The following MYCL variants were observed in gnomAD, a reference collection of about 807,000 sequenced individuals.
MYCL encodes protein L-Myc.
Under a neutral mutation model 31.0 loss-of-function variants are expected in MYCL, and 11 were observed. That is an observed-to-expected ratio of 0.35 (90% confidence interval 0.22 to 0.59). The LOEUF is 0.59. MYCL is among the 20% of genes least tolerant of loss of function. MYCL has a pLI of 0.79. For missense variants in MYCL, 427 were observed against 486.1 expected (o/e 0.88, Z 1.14); for synonymous variants, 208 against 202.4 (o/e 1.03, Z -0.23).
At chr1:39,900,658 T>C (rs913048864) in intron 1 of MYCL, 1 of 1,355,398 alleles carries the variant, frequency 7.4e-7, no homozygotes, top group Non-Finnish European at 9.5e-7. Context: ...AACCCCAGTA[T>C]TGTCCTCTCT....
At chr1:39,900,908 C>T (rs1557607268) in intron 1 of MYCL, 31 bp downstream of exon 1, 2 of 1,506,882 alleles carry the variant, frequency 1.3e-6, no homozygotes, top group African/African-American at 1.4e-5. Flanking sequence ...ATGGGGTGGC[C>T]CCCTCTTGGA....
intron 1 of MYCL, chr1:39,899,060 C>T (rs1644509591): frequency 1.0e-6 from 1 of 985,348 alleles, no homozygotes; most frequent in African/African-American, 1.7e-5. Context: ...ATTATTTCTC[C>T]ATTAATAAAC....
rs1054638269 is a variant in MYCL, at chr1:39,895,526, G to A, written c.*1846C>T. ...TAAATACAAAATTTCAGGTGAACTT[G>A]CCTTTCAAAATAAATCAGACCCTTG... On this transcript the variant is annotated 3_prime_UTR_variant, in exon 2 of 2. Transcript: ENST00000372816. The A allele has an allele frequency of 1.8e-5, 4 of 227,630 alleles. No homozygotes were observed. The highest frequency in any genetic ancestry group is 8.9e-5 in the African/African-American group (4 of 45,022). The allele number at this position is 227,630 out of a possible 1,614,324, so 14.1% of individuals were successfully genotyped here.
intron 1 of MYCL, chr1:39,899,595 T>C: frequency 1.0e-6 from 1 of 983,392 alleles, no homozygotes. Context: ...CTTTCCACTC[T>C]ACCACTCCAC....
chr1:39,901,722 C>T lies in MYCL; in HGVS notation c.-288G>A, dbSNP rs953328529. 4 of 1,211,162 alleles carry T rather than the reference C, an allele frequency of 3.3e-6. No homozygotes were observed. Among genetic ancestry groups the T allele is most frequent in the Non-Finnish European group, 4.1e-6 (4 of 978,436 alleles). The allele number at this position is 1,211,162 out of a possible 1,614,324, so 75.0% of individuals were successfully genotyped here. On this transcript the variant is annotated 5_prime_UTR_variant, in exon 1 of 2. Coordinates refer to ENST00000372816, the MANE Select transcript of MYCL (RefSeq NM_001033081.3). The surrounding 1 kb of genome is among the most constrained non-coding windows in gnomAD (Gnocchi z 6.9). ...GCTCCCAGGGCCCGGCGGGGCCGGG[C>T]GGGGGCGCGCCGTGCCCAGAAGGCA...
chr1:39,897,910 G>A lies in MYCL; in HGVS notation c.557C>T (p.Pro186Leu), dbSNP rs757424494. ...GTCTGCTCGCACCGTGATGGTGACCGGCTTCCGAATACCCAGAGACTGCCT... is the reference window on the plus strand; with the variant it reads ...GTCTGCTCGCACCGTGATGGTGACCAGCTTCCGAATACCCAGAGACTGCCT... ...EKRQSLGIRK[P>L]VTITVRADPL... Residue 186 changes from proline to leucine, a missense_variant, in exon 2 of 2, where the codon CCG becomes CTG. Transcript: ENST00000372816. This position sits in a 1 kb window ranked among gnomAD's most constrained non-coding sequence, Gnocchi z 4.3. 1.3e-5 allele frequency: 21 copies of A among 1,613,966 alleles called. No individual in the cohort carries two copies. Among genetic ancestry groups the A allele is most frequent in the Non-Finnish European group, 1.8e-5 (21 of 1,180,032 alleles).
Position 39,897,763 on chromosome 1 carries a change from T to A in MYCL, c.704A>T (p.Glu235Val), listed in dbSNP as rs1376650760. 6.2e-7 allele frequency: 1 copy of A among 1,614,134 alleles called. No individual in the cohort carries two copies. The highest frequency in any genetic ancestry group is 1.7e-5 in the Admixed American group (1 of 60,004). ...TGCAGCATCTCTCTCCAGAACCTCT[T>A]CTTGGGGACCCCTCTCTGAAGCCTC... ...QEEASERGPQEEVLERDAAGE... is the reference protein window; with the variant it reads ...QEEASERGPQVEVLERDAAGE... The change falls in exon 2 of 2, where the codon GAA becomes GTA. Residue 235 changes from glutamate (E) to valine (V), a missense_variant. By Grantham distance (121) the Glu-to-Val change is moderately radical (BLOSUM62 -2). Coordinates refer to ENST00000372816, the MANE Select transcript of MYCL (RefSeq NM_001033081.3). The surrounding 1 kb of genome is among the most constrained non-coding windows in gnomAD (Gnocchi z 4.3).
intron 1 of MYCL, among the ~76,000 whole-genome samples, chr1:39,898,442 T>C (rs1431941269): frequency 1.3e-5 from 2 of 152,206 alleles, no homozygotes; most frequent in African/African-American, 2.4e-5. Context: ...ACTTGGGGAA[T>C]TGTTACTTTT....
intron 1 of MYCL, chr1:39,900,492 G>T: frequency 3.8e-6 from 4 of 1,054,742 alleles, no homozygotes; most frequent in Non-Finnish European, 4.6e-6. Flanking sequence ...TGGAGACCTA[G>T]GTTTTTAAAA....
In MYCL at chr1:39,897,848, T is replaced by G. The variant is rs775455678; in HGVS notation, c.619A>C (p.Ile207Leu). Residue 207 changes from isoleucine (I) to leucine (L), a missense_variant, in exon 2 of 2, where the codon ATC becomes CTC. Physicochemically the swap from Ile to Leu is conservative, Grantham distance 5. Transcript: ENST00000372816. The surrounding 1 kb of genome is among the most constrained non-coding windows in gnomAD (Gnocchi z 4.3). ...GCATAGTTGTGCTGTTGCTGATGGA[T>G]GGAGATGTGGAAATGCTTCATGCAG... ...DPCMKHFHIS[I>L]HQQQHNYAAR... The G allele has an allele frequency of 6.2e-7, 1 of 1,614,164 alleles. No individual in the cohort carries two copies. The highest frequency in any genetic ancestry group is 8.5e-7 in the Non-Finnish European group (1 of 1,180,018).
chr1:39,901,484 C>T lies in MYCL; in HGVS notation c.-50G>A, dbSNP rs1644539736. ...GGGGACGTGCTGACCGGGTGCCGGC[C>T]GGGCGAAGGAGGTGTCCCCGGGTCC... On this transcript the variant is annotated 5_prime_UTR_variant, in exon 1 of 2. Coordinates refer to ENST00000372816, the MANE Select transcript of MYCL (RefSeq NM_001033081.3). The surrounding 1 kb of genome is among the most constrained non-coding windows in gnomAD (Gnocchi z 6.9). 1.3e-6 allele frequency: 2 copies of T among 1,588,138 alleles called. No individual in the cohort carries two copies. Among genetic ancestry groups the T allele is most frequent in the Non-Finnish European group, 1.7e-6 (2 of 1,174,208 alleles).
rs776728741 is a variant in MYCL at position 39,901,783 on chromosome 1, G to T, written c.-349C>A. On this transcript the variant is annotated 5_prime_UTR_variant, in exon 1 of 2. Coordinates refer to ENST00000372816, the MANE Select transcript of MYCL (RefSeq NM_001033081.3). The surrounding 1 kb of genome is among the most constrained non-coding windows in gnomAD (Gnocchi z 6.9). ...AGCCCGCACCGCGGGACCCGCGCCC[G>T]TGCCCTGGCCACCCGCAGCCTCACC... 4.7e-6 allele frequency: 6 copies of T among 1,267,904 alleles called. No individual in the cohort carries two copies. Among genetic ancestry groups the T allele is most frequent in the African/African-American group, 1.6e-5 (1 of 63,112 alleles). 78.5% of individuals were successfully genotyped at this position (1,267,904 alleles called of 1,614,324 possible).
rs2124719902 is a variant in MYCL, at chr1:39,901,069, C to G, written c.366G>C (p.Pro122=). 3.2e-6 allele frequency: 5 copies of G among 1,560,436 alleles called. No homozygotes were observed. The highest frequency in any genetic ancestry group is 3.5e-6 in the Non-Finnish European group (4 of 1,152,980). The change falls in exon 1 of 2, where the codon CCG becomes CCC. Residue 122 remains proline (P), a synonymous_variant. Transcript: ENST00000372816. This position sits in a 1 kb window ranked among gnomAD's most constrained non-coding sequence, Gnocchi z 6.9. Reference sequence around the variant, plus strand: ...AGTCCGGGGCGGCGGACGCCTTGGGCGGGTTCCCCCGGGGCGCGCCAGGAG... The same window carrying G: ...AGTCCGGGGCGGCGGACGCCTTGGGGGGGTTCCCCCGGGGCGCGCCAGGAG... ...RLAPGAPRGN[P]PKASAAPDCT... is the part of the protein sequence containing the mutation.
At position 39,896,111 on chromosome 1, in the gene MYCL, G is replaced by C. The variant is rs41297593; in HGVS notation, c.*1261C>G. On this transcript the variant is annotated 3_prime_UTR_variant, in exon 2 of 2. Transcript: ENST00000372816. ...ATTCCACTTGGAGCTGCCGAGTCCA[G>C]CTGGGGTAAAATCCATCATGGTTGG... 0.2 allele frequency: 41,464 copies of C among 207,764 alleles called. 4,730 individuals are homozygous for C. The highest frequency in any genetic ancestry group is 0.29 in the Middle Eastern group (182 of 622). 12.9% of individuals were successfully genotyped at this position (207,764 alleles called of 1,614,324 possible). A position where few individuals can be genotyped will look rare whatever the true frequency, so the allele number is the denominator to read the frequency against.
At chr1:39,898,295 A>G (rs1644502827) in intron 1 of MYCL, among the ~76,000 whole-genome samples, 1 of 152,236 alleles carries the variant, frequency 6.6e-6, no homozygotes, top group Non-Finnish European at 1.5e-5. Context: ...GAGGGGTTGG[A>G]GAGAAAGAGC....
chr1:39,899,228 G>T, intron 1 of MYCL: 1 of 347,450 alleles, frequency 2.9e-6, no homozygotes, highest in Non-Finnish European at 4.0e-6. Flanking sequence ...GTTGCATTTT[G>T]TTCCAGGCCA....
At position 39,897,792 on chromosome 1, in the gene MYCL, T is replaced by C; in HGVS notation, c.675A>G (p.Gln225=). Residue 225 remains glutamine (Q), a synonymous_variant, in exon 2 of 2, where the codon CAA becomes CAG. Transcript: ENST00000372816. This position sits in a 1 kb window ranked among gnomAD's most constrained non-coding sequence, Gnocchi z 4.3. ...GGGGACCCCTCTCTGAAGCCTCTTC[T>C]TGGGAGCAGCTTTCTGGAGGAAAAC... ...AARFPPESCS[Q]EEASERGPQE... The C allele has an allele frequency of 6.2e-7, 1 of 1,614,172 alleles. No homozygotes were observed. The highest frequency in any genetic ancestry group is 8.5e-7 in the Non-Finnish European group (1 of 1,180,018).
In MYCL at chr1:39,897,798, G is replaced by A. The variant is rs1644497269; in HGVS notation, c.669C>T (p.Cys223=). The change falls in exon 2 of 2, where the codon TGC becomes TGT. Residue 223 remains cysteine, a synonymous_variant. Coordinates refer to ENST00000372816, the MANE Select transcript of MYCL (RefSeq NM_001033081.3). The surrounding 1 kb of genome is among the most constrained non-coding windows in gnomAD (Gnocchi z 4.3). ...NYAARFPPES[C]SQEEASERGP... ...CCCTCTCTGAAGCCTCTTCTTGGGA[G>A]CAGCTTTCTGGAGGAAAACGGGCAG... 6.2e-7 allele frequency: 1 copy of A among 1,614,178 alleles called. No homozygotes were observed. The highest frequency in any genetic ancestry group is 8.5e-7 in the Non-Finnish European group (1 of 1,180,032).
chr1:39,899,006 T>G, intron 1 of MYCL: 1 of 985,476 alleles, frequency 1.0e-6, no homozygotes, highest in East Asian at 1.1e-4. Flanking sequence ...ATCAGGAAGC[T>G]TGAGCCCCTT....
Sources: allele counts gnomAD v4.1 joint callset (sites outside exome capture counted in the v4.1 genomes callset), GRCh38; gene constraint gnomAD v4.1.1; non-coding constraint Gnocchi (gnomAD v3.1); transcripts MANE v1.5; gene names NCBI Gene and HGNC (gene_info 2026-07-23, HGNC 2026-07-21).